APP: variants seen among roughly 807,000 people sequenced by gnomAD.
The protein encoded by APP is amyloid-beta precursor protein.
Under a neutral mutation model 101.4 loss-of-function variants are expected in APP, and 31 were observed. That is an observed-to-expected ratio of 0.31 (90% CI 0.23 to 0.41). The LOEUF is 0.41. Ranked by LOEUF, APP falls within the 10% of genes least tolerant of loss-of-function variation. The pLI, the probability that APP is intolerant of heterozygous loss-of-function variation, is 1.00. For synonymous variants in APP, 366 were observed against 364.4 expected (o/e 1.00, Z -0.05); for missense variants, 839 against 1,003.7 (o/e 0.84, Z 2.22).
intron 6 of APP, among the ~76,000 whole-genome samples, chr21:26,019,943 G>A (rs888978069): frequency 8.5e-5 from 13 of 152,170 alleles, no homozygotes; most frequent in African/African-American, 2.7e-4. Flanking sequence ...AACAAAATGC[G>A]CATTTACTAG....
intron 1 of APP, among the ~76,000 whole-genome samples, chr21:26,127,831 A>T (rs969545799): frequency 8.5e-5 from 13 of 152,236 alleles, no homozygotes; most frequent in Non-Finnish European, 1.3e-4. Flanking sequence ...AAGCACTTTA[A>T]GAGCTAATCA....
intron 8 of APP, among the ~76,000 whole-genome samples, chr21:25,994,003 A>G (rs557126970): frequency 9.2e-5 from 14 of 152,346 alleles, no homozygotes; most frequent in African/African-American, 3.4e-4. Context: ...GAGATGGGAC[A>G]CACTTTGGCC....
intron 15 of APP, among the ~76,000 whole-genome samples, chr21:25,903,583 T>G (rs1305777026): frequency 6.6e-6 from 1 of 151,958 alleles, no homozygotes; most frequent in African/African-American, 2.4e-5. Context: ...AGAAGCACCA[T>G]GAAAAAAGTC....
chr21:26,132,524 A>T (rs199728361), intron 1 of APP, among the ~76,000 whole-genome samples: 1 of 28,564 alleles, frequency 3.5e-5, no homozygotes, highest in African/African-American at 1.6e-3. Flanking sequence ...CTCTACCTTT[A>T]AAAAAAAGTT....
At chr21:25,989,740 T>C (rs1313916135) in intron 8 of APP, among the ~76,000 whole-genome samples, 3 of 152,192 alleles carry the variant, frequency 2.0e-5, no homozygotes, top group Non-Finnish European at 2.9e-5. Flanking sequence ...GAAAATGCTA[T>C]TTGATACCGA....
In APP at chr21:25,905,294, C is replaced by T. The variant is rs7279018; in HGVS notation, c.1910-217G>A. Among the ~76,000 whole-genome samples the T allele has an allele frequency of 0.02, 2,981 of 152,254 alleles. 110 individuals are homozygous for T. The highest frequency in any genetic ancestry group is 0.068 in the African/African-American group (2,822 of 41,530). On this transcript the variant is annotated intron_variant, in intron 14 of 17. Transcript: ENST00000346798. ...GCTTATCGCTATTGATGTGCCAGTC[C>T]TGCTCCTTAGTTTTCTAATAAAAGC...
At chr21:26,100,505 C>T (rs2146157242) in intron 2 of APP, among the ~76,000 whole-genome samples, 1 of 152,298 alleles carries the variant, frequency 6.6e-6, no homozygotes, top group African/African-American at 2.4e-5. Flanking sequence ...TACCTTCCAA[C>T]TCGGTAAGAT....
intron 13 of APP, among the ~76,000 whole-genome samples, chr21:25,916,304 G>A (rs910037671): frequency 1.3e-5 from 2 of 152,138 alleles, no homozygotes; most frequent in African/African-American, 4.8e-5. Context: ...CTGGCCGTCA[G>A]TGTAGTTTTA....
At chr21:26,002,869 A>G (rs888570636) in intron 6 of APP, among the ~76,000 whole-genome samples, 13 of 152,348 alleles carry the variant, frequency 8.5e-5, no homozygotes, top group African/African-American at 3.1e-4. Context: ...CAGATGCACA[A>G]ACCTTGTCTT....
chr21:26,100,737 T>C (rs1290695091), intron 2 of APP, among the ~76,000 whole-genome samples: 1 of 136,634 alleles, frequency 7.3e-6, no homozygotes, highest in African/African-American at 2.5e-5. Flanking sequence ...GCTGATCCTG[T>C]TAATCTATAG....
At position 25,975,075 on chromosome 21, in the gene APP, G is replaced by T. The variant is rs1387342427; in HGVS notation, c.1453C>A (p.Pro485Thr). The T allele has an allele frequency of 1.9e-6, 3 of 1,614,086 alleles. No individual in the cohort carries two copies. The Admixed American group carries it at 5.0e-5, about 27-fold the overall frequency. The stretch of plus-strand genomic sequence containing the variant: ...TCGGCTGCAGCGAGACCTACCCGAG[G>T]AGGAACAGCCTGCAGAGCGGTGATG... The part of the protein sequence containing the change: ...NYITALQAVP[P>T]RPRHVFNMLK... Residue 485 changes from proline (P) to threonine (T), a missense_variant, in exon 11 of 18, where the codon CCT becomes ACT. By Grantham distance (38) the Pro-to-Thr change is conservative (BLOSUM62 -1). Transcript: ENST00000346798.
chr21:26,098,081 G>GA (rs757879199), intron 2 of APP, among the ~76,000 whole-genome samples: 4,904 of 54,358 alleles, frequency 0.09, 190 homozygotes, highest in Non-Finnish European at 0.12. Context: ...CTCTGTCTCA[G>GA]AAAAAAAAAA....
At position 26,134,038 on chromosome 21, in the gene APP, G is replaced by A. The variant is rs184137630; in HGVS notation, c.58-21892C>T. Among the ~76,000 whole-genome samples the A allele has an allele frequency of 2.0e-3, 298 of 152,284 alleles. 1 individual carries two copies. Among genetic ancestry groups the A allele is most frequent in the Middle Eastern group, 3.4e-3 (1 of 294 alleles). ...TTCCTTTGCAGGAGTTTCCAAACAT[G>A]TTAAAGTACAGCATTTGGAGGAGAA... is the stretch of plus-strand genomic sequence containing the variant. On this transcript the variant is annotated intron_variant, in intron 1 of 17. Coordinates refer to ENST00000346798, the MANE Select transcript of APP (RefSeq NM_000484.4).
intron 13 of APP, among the ~76,000 whole-genome samples, chr21:25,932,230 C>T (rs1160461296): frequency 1.3e-5 from 2 of 152,018 alleles, no homozygotes; most frequent in African/African-American, 2.4e-5. Flanking sequence ...CTTTTCCTGC[C>T]GAGAACAAAG....
intron 3 of APP, among the ~76,000 whole-genome samples, chr21:26,063,959 TATG>T (rs1447403999): frequency 6.6e-6 from 1 of 152,196 alleles, no homozygotes; most frequent in South Asian, 2.1e-4. Context: ...GTACCCTTGA[TATG>T]ATGTGATGAA....
chr21:26,161,303 TTATC>T (rs1456867205), intron 1 of APP, among the ~76,000 whole-genome samples: 2 of 152,234 alleles, frequency 1.3e-5, no homozygotes, highest in African/African-American at 4.8e-5. Flanking sequence ...CTTCCCCCAG[TTATC>T]TAAGTTTACC....
intron 1 of APP, among the ~76,000 whole-genome samples, chr21:26,163,963 G>A (rs1239374091): frequency 1.3e-5 from 2 of 152,194 alleles, no homozygotes; most frequent in Non-Finnish European, 2.9e-5. Flanking sequence ...TCACTTTACT[G>A]CAGCTGGGCG....
chr21:26,166,053 A>C (rs1242278575), intron 1 of APP, among the ~76,000 whole-genome samples: 1 of 152,190 alleles, frequency 6.6e-6, no homozygotes, highest in Non-Finnish European at 1.5e-5. Context: ...AAATTTGCCA[A>C]ACTTTTTTTT....
intron 8 of APP, among the ~76,000 whole-genome samples, chr21:25,988,074 G>A (rs570773694): frequency 3.9e-5 from 6 of 152,276 alleles, no homozygotes; most frequent in African/African-American, 1.4e-4. Context: ...GAGCGACCAG[G>A]CAGAGTCTTA....
Sources: allele counts gnomAD v4.1 joint callset (sites outside exome capture counted in the v4.1 genomes callset), GRCh38; gene constraint gnomAD v4.1.1; transcripts MANE v1.5; gene names NCBI Gene and HGNC (gene_info 2026-07-23, HGNC 2026-07-21).